The following RUBCN variants were observed in gnomAD, a reference collection of about 807,000 sequenced individuals.
RUBCN encodes the protein run domain Beclin-1-interacting and cysteine-rich domain-containing protein.
Under a neutral mutation model 113.2 loss-of-function variants are expected in RUBCN, and 74 were observed. The observed-to-expected ratio is 0.65, with a 90% CI of 0.54 to 0.79. The LOEUF (loss-of-function observed/expected upper bound fraction) is 0.79. Ranked by LOEUF, RUBCN falls within the 30% of genes least tolerant of loss-of-function variation. RUBCN has a pLI of 0.00. For synonymous variants in RUBCN, 480 were observed against 490.0 expected (o/e 0.98, Z 0.27); for missense variants, 1,109 against 1,251.7 (o/e 0.89, Z 1.72).
At chr3:197,707,945 T>C (rs919409259) in intron 2 of RUBCN, among the ~76,000 whole-genome samples, 7 of 150,402 alleles carry the variant, frequency 4.7e-5, no homozygotes, top group African/African-American at 1.5e-4. Flanking sequence ...GCTTGGGCAA[T>C]AGTGCAATAC....
chr3:197,732,438 C>G (rs1727625080), intron 1 of RUBCN, among the ~76,000 whole-genome samples: 1 of 152,206 alleles, frequency 6.6e-6, no homozygotes, highest in Non-Finnish European at 1.5e-5. Flanking sequence ...CTCAACCTCC[C>G]CAGTAGCTGG....
chr3:197,675,147 C>T lies in RUBCN; in HGVS notation c.2790G>A (p.Pro930=), dbSNP rs575102841. Residue 930 remains proline, a synonymous_variant, in exon 20 of 20, where the codon CCG becomes CCA. Transcript: ENST00000296343. This position sits in a 1 kb window ranked among gnomAD's most constrained non-coding sequence, Gnocchi z 4.4. ...HKACFKSGSC[P]RCERLQARRE... ...GCCGGGCCTGCAGCCGCTCGCAGCGCGGACAGCTTCCAGACTTGAAGCAGG... is the reference window on the plus strand; with the variant it reads ...GCCGGGCCTGCAGCCGCTCGCAGCGTGGACAGCTTCCAGACTTGAAGCAGG... The T allele has an allele frequency of 1.2e-5, 20 of 1,613,968 alleles. No homozygotes were observed. Among genetic ancestry groups the T allele is most frequent in the Middle Eastern group, 1.6e-4 (1 of 6,084 alleles).
intron 2 of RUBCN, among the ~76,000 whole-genome samples, chr3:197,716,031 G>GC (rs1725475363): frequency 6.6e-6 from 1 of 152,170 alleles, no homozygotes; most frequent in Non-Finnish European, 1.5e-5. Context: ...TCAAGCCTAA[G>GC]CAATTAATTA....
rs760209465 is a variant in RUBCN at position 197,704,721 on chromosome 3, G to A, written c.304-20C>T. ...GATGAACTGGGAAGCAAAGGGGCAT[G>A]AGTCAAAACACACATCCTGGTAGAT... On this transcript the variant is annotated intron_variant, in intron 3 of 19. Transcript: ENST00000296343. 4 of 1,612,652 alleles carry A rather than the reference G, an allele frequency of 2.5e-6. No homozygotes were observed. The Admixed American group carries it at 5.0e-5, about 20-fold the overall frequency.
At chr3:197,694,198 C>A (rs756893762) in intron 10 of RUBCN, 177 bp downstream of exon 10, 2 of 737,948 alleles carry the variant, frequency 2.7e-6, no homozygotes, top group Non-Finnish European at 4.9e-6. Flanking sequence ...GCCTGGAAGG[C>A]AGGTATTTCT....
Position 197,681,250 on chromosome 3 carries a change from T to C in RUBCN, c.2309A>G (p.Lys770Arg), listed in dbSNP as rs1721202252. 6.2e-7 allele frequency: 1 copy of C among 1,614,144 alleles called. No homozygotes were observed. Among genetic ancestry groups the C allele is most frequent in the East Asian group, 2.2e-5 (1 of 44,884 alleles). The change falls in exon 16 of 20, where the codon AAG becomes AGG. Residue 770 changes from lysine (K) to arginine (R), a missense_variant. This residue lies in a region of RUBCN where 306 missense variants were observed against 348.9 expected (regional missense o/e 0.88). Coordinates refer to ENST00000296343, the MANE Select transcript of RUBCN (RefSeq NM_014687.4). This position sits in a 1 kb window ranked among gnomAD's most constrained non-coding sequence, Gnocchi z 5.5. ...CTTGGAGAAGTTGCTGACGTAGTAC[T>C]TGCTGAAGTCCCACTTGCGCAGAAC... ...SRVLRKWDFS[K>R]YYVSNFSKDL...
At chr3:197,692,560 C>G (rs1027161559) in intron 11 of RUBCN, among the ~76,000 whole-genome samples, 1 of 152,028 alleles carries the variant, frequency 6.6e-6, no homozygotes. Context: ...CTGCAGGATC[C>G]GTGCTAACTC....
intron 7 of RUBCN, among the ~76,000 whole-genome samples, chr3:197,698,092 G>C (rs1364513170): frequency 6.6e-6 from 1 of 152,154 alleles, no homozygotes; most frequent in African/African-American, 2.4e-5. Context: ...ACTCCAACAC[G>C]ACCTTAACCT....
chr3:197,677,440 A>G (rs1312901940), intron 17 of RUBCN, 40 bp downstream of exon 17: 22 of 1,554,764 alleles, frequency 1.4e-5, no homozygotes, highest in African/African-American at 5.4e-5. Context: ...TTTCGGAGAC[A>G]GCAACGTGGC....
chr3:197,733,136 A>C (rs1200985262), intron 1 of RUBCN, among the ~76,000 whole-genome samples: 1 of 152,194 alleles, frequency 6.6e-6, no homozygotes, highest in Admixed American at 6.5e-5. Context: ...TATATCAACT[A>C]CTTAAGGAAA....
chr3:197,708,572 A>AAAAAAAC (rs1724590881), intron 2 of RUBCN, among the ~76,000 whole-genome samples: 1 of 151,676 alleles, frequency 6.6e-6, no homozygotes, highest in Non-Finnish European at 1.5e-5. Flanking sequence ...AAAAAAAAAA[A>AAAAAAAC]AAAGAGCAAT....
In RUBCN at chr3:197,694,477, T is replaced by C. The variant is rs1159769668; in HGVS notation, c.1582A>G (p.Ser528Gly). 1.1e-5 allele frequency: 17 copies of C among 1,614,108 alleles called. No individual in the cohort carries two copies. Among genetic ancestry groups the C allele is most frequent in the Admixed American group, 1.7e-5 (1 of 60,004 alleles). ...LEEEEVEEED[S>G]DREIQELKQK... ...TTCAGCTCCTGGATCTCTCTATCAC[T>C]GTCTTCCTCTTCCACTTCCTCCTCC... Residue 528 changes from serine (S) to glycine (G), a missense_variant, in exon 10 of 20, where the codon AGT becomes GGT. Ser to Gly is a moderately conservative substitution (Grantham distance 56). Transcript: ENST00000296343.
intron 2 of RUBCN, among the ~76,000 whole-genome samples, chr3:197,713,822 C>T (rs1725218624): frequency 6.6e-6 from 1 of 151,948 alleles, no homozygotes; most frequent in African/African-American, 2.4e-5. Context: ...TGCCTGTAAT[C>T]CCAGCACTTT....
In RUBCN at chr3:197,674,011, T is replaced by C. The variant is rs1015608935; in HGVS notation, c.*1007A>G. 11 of 151,740 alleles carry C rather than the reference T, an allele frequency of 7.2e-5. No homozygotes were observed. Among genetic ancestry groups the C allele is most frequent in the African/African-American group, 2.7e-4 (11 of 41,210 alleles). The allele number at this position is 151,740 out of a possible 1,614,324, so 9.4% of individuals were successfully genotyped here. ...AGGAAGGGGAGAGAACGGAGTCGGG[T>C]TGTACTTTTACTCAGAAGCACAACG... On this transcript the variant is annotated 3_prime_UTR_variant, in exon 20 of 20. Transcript: ENST00000296343.
Position 197,670,230 on chromosome 3 carries a change from ATTT to A in RUBCN, c.*4785_*4787del, listed in dbSNP as rs35416371. 6.6e-6 allele frequency among the ~76,000 whole-genome samples: 1 copy of A among 152,162 alleles called. No homozygotes were observed. The highest frequency in any genetic ancestry group is 1.5e-5 in the Non-Finnish European group (1 of 68,030). ...AACTGTCATTTTGATGGTTGCATCA[ATTT>A]TTTTATTTTCCATTAACTTTTTACT... On this transcript the variant is annotated 3_prime_UTR_variant, in exon 20 of 20. Coordinates refer to ENST00000296343, the MANE Select transcript of RUBCN (RefSeq NM_014687.4).
At position 197,718,100 on chromosome 3, in the gene RUBCN, C is replaced by T; in HGVS notation, c.96G>A (p.Leu32=). 6.2e-7 allele frequency: 1 copy of T among 1,614,228 alleles called. No homozygotes were observed. Among genetic ancestry groups the T allele is most frequent in the African/African-American group, 1.3e-5 (1 of 75,062 alleles). The part of the protein sequence containing the change: ...RREHWQLLGN[L]KTTVEGLVST... ...ATACCAAACCCTCCACCGTCGTCTT[C>T]AAATTACCCAGCAACTGCCAGTGCT... Residue 32 remains leucine (L), a synonymous_variant, in exon 2 of 20, where the codon TTG becomes TTA. Coordinates refer to ENST00000296343, the MANE Select transcript of RUBCN (RefSeq NM_014687.4).
At chr3:197,693,956 A>G in intron 10 of RUBCN, 140 bp from the exon 11 acceptor site, 1 of 675,990 alleles carries the variant, frequency 1.5e-6, no homozygotes, top group South Asian at 1.6e-5. Context: ...TCAAGTAAAT[A>G]GAAGGTACTA....
rs552497818 is a variant in RUBCN at position 197,736,900 on chromosome 3, G to A, written c.-181C>T. The stretch of plus-strand genomic sequence containing the variant: ...CGCCTGGGCTGCGGCTTCTATCCCG[G>A]CCACCCCCACTTCCGGCTCCGGGGA... On this transcript the variant is annotated 5_prime_UTR_variant, in exon 1 of 20. Coordinates refer to ENST00000296343, the MANE Select transcript of RUBCN (RefSeq NM_014687.4). 3 of 1,363,016 alleles carry A rather than the reference G, an allele frequency of 2.2e-6. No homozygotes were observed. The South Asian group carries it at 5.2e-5, about 24-fold the overall frequency. 84.4% of individuals were successfully genotyped at this position (1,363,016 alleles called of 1,614,324 possible). A position where few individuals can be genotyped will look rare whatever the true frequency, so the allele number is the denominator to read the frequency against.
In RUBCN at chr3:197,731,315, C is replaced by G. The variant is rs139789057; in HGVS notation, c.65+5340G>C. On this transcript the variant is annotated intron_variant, in intron 1 of 19. Transcript: ENST00000296343. ...TCAGAGAGCACAGGGTTGGGGGTAA[C>G]GTCACCGATCAACAGGATCCCAAGG... Among the ~76,000 whole-genome samples the G allele has an allele frequency of 1.2e-4, 18 of 152,316 alleles. 1 individual carries two copies. The East Asian group carries it at 1.9e-3, about 16-fold the overall frequency.
Sources: gnomAD v4.1 joint callset for allele counts (sites outside exome capture counted in the v4.1 genomes callset) on GRCh38, gnomAD v4.1.1 for gene constraint, gnomAD v4.1.1 regional missense constraint, Gnocchi (gnomAD v3.1) non-coding constraint, MANE v1.5 for transcripts, NCBI Gene and HGNC (gene_info 2026-07-23, HGNC 2026-07-21) for gene names.